Variants in RANBP2 observed in about 807,000 individuals in gnomAD.
The protein encoded by RANBP2 is RAN binding protein 2.
A neutral mutation model predicts 303.6 loss-of-function variants in RANBP2; 57 were observed. That is an observed-to-expected ratio of 0.19 (90% CI 0.15 to 0.23). The LOEUF is 0.23. Among genes scored for constraint, RANBP2 ranks in the 10% least tolerant of loss-of-function variants. The probability of loss-of-function intolerance (pLI) is 1.00; values close to 1 mark genes in which losing one functional copy is unlikely to be tolerated. For synonymous variants in RANBP2, 1,167 were observed against 1,301.5 expected, an observed-to-expected ratio of 0.90 and a Z score of 2.23; for missense variants, 3,138 against 3,780.8, an observed-to-expected ratio of 0.83 and a Z score of 4.46.
chr2:109,051,672 G>T, the RANBP2 span, among the ~76,000 whole-genome samples: 1 of 152,028 alleles, frequency 6.6e-6, no homozygotes, highest in Non-Finnish European at 1.5e-5. Context: ...AAGGAAAAAG[G>T]GCATTTGGCT....
the RANBP2 span, among the ~76,000 whole-genome samples, chr2:109,472,335 T>A: frequency 6.6e-6 from 1 of 151,574 alleles, no homozygotes; most frequent in African/African-American, 2.4e-5. Context: ...TCACCTGCAC[T>A]CTCGGTGGTC....
the RANBP2 span, among the ~76,000 whole-genome samples, chr2:109,192,873 T>G: frequency 3.3e-5 from 5 of 152,316 alleles, no homozygotes; most frequent in African/African-American, 9.6e-5. Flanking sequence ...GTGCACTGAT[T>G]TTATGAATTT....
At chr2:108,831,700 T>TCCTC in the RANBP2 span, among the ~76,000 whole-genome samples, 1 of 145,152 alleles carries the variant, frequency 6.9e-6, no homozygotes, top group African/African-American at 2.6e-5. Context: ...TGGCACAGAA[T>TCCTC]CTTCCTTCCT....
the RANBP2 span, among the ~76,000 whole-genome samples, chr2:109,512,410 C>T: frequency 6.6e-6 from 1 of 152,186 alleles, no homozygotes; most frequent in African/African-American, 2.4e-5. Context: ...CGCCACCCTC[C>T]TGCCCCCTCC....
At chr2:109,400,537 A>G in the RANBP2 span, among the ~76,000 whole-genome samples, 2 of 151,714 alleles carry the variant, frequency 1.3e-5, no homozygotes, top group African/African-American at 2.4e-5. Context: ...GCAGATACAC[A>G]TGCACACACA....
At chr2:109,240,437 A>G in the RANBP2 span, among the ~76,000 whole-genome samples, 112,534 of 152,110 alleles carry the variant, frequency 0.74, 42,202 homozygotes, top group East Asian at 0.89. Context: ...GCAGTGAGCC[A>G]AGATCGCACC....
At chr2:109,671,960 T>G in the RANBP2 span, among the ~76,000 whole-genome samples, 3 of 151,896 alleles carry the variant, frequency 2.0e-5, no homozygotes, top group Non-Finnish European at 4.4e-5. Context: ...TAGTTCCTCT[T>G]CATTCGCTTA....
the RANBP2 span, among the ~76,000 whole-genome samples, chr2:109,352,315 C>CA: frequency 2.0e-5 from 3 of 152,224 alleles, no homozygotes; most frequent in African/African-American, 7.2e-5. Context: ...CTCCTAAAGA[C>CA]AGACTGCATG....
At chr2:108,927,674 G>C in the RANBP2 span, among the ~76,000 whole-genome samples, 2 of 152,082 alleles carry the variant, frequency 1.3e-5, no homozygotes, top group Non-Finnish European at 2.9e-5. Context: ...CCAGCACCCT[G>C]AGTGCATAGT....
At chr2:109,671,786 G>A in the RANBP2 span, among the ~76,000 whole-genome samples, 6 of 151,600 alleles carry the variant, frequency 4.0e-5, no homozygotes, top group East Asian at 1.2e-3. Flanking sequence ...TGAAATTTAA[G>A]GGGTGTCTAT....
chr2:109,129,170 C>G, the RANBP2 span: 5 of 440,848 alleles, frequency 1.1e-5, no homozygotes, highest in African/African-American at 4.2e-5. Flanking sequence ...CACTTCCTGC[C>G]GCTGGTCTCC....
chr2:109,054,793 C>T, the RANBP2 span, among the ~76,000 whole-genome samples: 1 of 152,072 alleles, frequency 6.6e-6, no homozygotes, highest in Admixed American at 6.6e-5. Flanking sequence ...GCGTTCCCAT[C>T]ACCAGTATGT....
At chr2:109,246,750 G>A in the RANBP2 span, among the ~76,000 whole-genome samples, 165 of 152,310 alleles carry the variant, frequency 1.1e-3, 1 homozygote, top group African/African-American at 3.8e-3. Flanking sequence ...GGGATGCCGG[G>A]GTGGAGATGA....
the RANBP2 span, chr2:109,614,357 T>A: frequency 1.3e-6 from 1 of 764,908 alleles, no homozygotes; most frequent in Non-Finnish European, 1.7e-6. Flanking sequence ...CCGAGTCCTC[T>A]GGCCTCAGAC....
Position 108,768,364 on chromosome 2 carries a change from T to A in RANBP2, c.7825T>A (p.Tyr2609Asn). Reference sequence around the variant, plus strand: ...TCCAACGGAAGAATCTTCAATCAACTACACATTTAAAACACCAGAAAAGGG... The same window carrying A: ...TCCAACGGAAGAATCTTCAATCAACAACACATTTAAAACACCAGAAAAGGG... The part of the protein sequence containing the change: ...SFPTEESSIN[Y>N]TFKTPEKAKE... The change falls in exon 20 of 29, where the codon TAC (tyrosine) becomes AAC (asparagine). Residue 2609 changes from tyrosine (Y) to asparagine (N), a missense_variant. Transcript: ENST00000283195. 1 of 1,611,758 alleles carries A rather than the reference T, an allele frequency of 6.2e-7. No individual in the cohort carries two copies. Among genetic ancestry groups the A allele is most frequent in the Non-Finnish European group, 8.5e-7 (1 of 1,179,854 alleles).
At chr2:109,395,587 C>T in the RANBP2 span, among the ~76,000 whole-genome samples, 2 of 152,182 alleles carry the variant, frequency 1.3e-5, no homozygotes, top group East Asian at 3.9e-4. Flanking sequence ...CACCGGCCTT[C>T]GGCTGGGGTT....
chr2:109,153,913 G>A, the RANBP2 span, among the ~76,000 whole-genome samples: 1 of 152,188 alleles, frequency 6.6e-6, no homozygotes, highest in Middle Eastern at 3.2e-3. Flanking sequence ...GCAGGGCCGA[G>A]GACAAAATGA....
chr2:108,921,486 A>G, the RANBP2 span, among the ~76,000 whole-genome samples: 1 of 152,194 alleles, frequency 6.6e-6, no homozygotes, highest in Non-Finnish European at 1.5e-5. Flanking sequence ...CTTGACCACA[A>G]CTGTGGGTTT....
In RANBP2 at chr2:108,781,411, A is replaced by C; in HGVS notation, c.8742A>C (p.Pro2914=). The change falls in exon 26 of 29, where the codon CCA becomes CCC. Residue 2914 remains proline, a synonymous_variant. Transcript: ENST00000283195. ...ATAATGAAGATATCCATTTTGAACC[A>C]ATAGTGTCACTACCAGAGGTAAATG... ...VVHNEDIHFE[P]IVSLPEVEVK... is the part of the protein sequence containing the mutation. 6.2e-7 allele frequency: 1 copy of C among 1,614,140 alleles called. No individual in the cohort carries two copies. The highest frequency in any genetic ancestry group is 8.5e-7 in the Non-Finnish European group (1 of 1,179,988).
Sources: allele counts gnomAD v4.1 joint callset (sites outside exome capture counted in the v4.1 genomes callset), GRCh38; gene constraint gnomAD v4.1.1; transcripts MANE v1.5; gene names NCBI Gene and HGNC (gene_info 2026-07-23, HGNC 2026-07-21).